The following CREBRF variants were observed in gnomAD, a reference collection of about 807,000 sequenced individuals.
CREBRF encodes the protein UPF0474 protein C5orf41.
CREBRF carries 5 observed loss-of-function variants against 66.1 expected under a neutral mutation model. The ratio of observed to expected loss-of-function variants is 0.08; its 90% CI spans 0.04 to 0.16. The LOEUF is 0.16. Ranked by LOEUF, CREBRF falls within the 10% of genes least tolerant of loss-of-function variation. CREBRF has a pLI of 1.00. For synonymous variants in CREBRF, 229 were observed against 264.4 expected (o/e 0.87, Z 1.30); for missense variants, 531 against 744.9 (o/e 0.71, Z 3.34).
chr5:173,078,828 C>T (rs1034677539), intron 1 of CREBRF, among the ~76,000 whole-genome samples: 2 of 152,004 alleles, frequency 1.3e-5, no homozygotes, highest in African/African-American at 4.8e-5. Flanking sequence ...CCCAGCCGAC[C>T]CTATTGCTAG....
rs1461482592 is a variant in CREBRF, at chr5:173,136,194, C to T, written c.*2449C>T. On this transcript the variant is annotated 3_prime_UTR_variant, in exon 9 of 9. Coordinates refer to ENST00000296953, the MANE Select transcript of CREBRF (RefSeq NM_153607.3). Reference sequence around the variant, plus strand: ...GTTTTTGATACTTTTTTCCTGTCTGCAAACCAGAATTTGATTTTTTGGTCT... The same window carrying T: ...GTTTTTGATACTTTTTTCCTGTCTGTAAACCAGAATTTGATTTTTTGGTCT... 1 of 150,836 alleles carries T rather than the reference C, an allele frequency of 6.6e-6. No homozygotes were observed. The highest frequency in any genetic ancestry group is 1.5e-5 in the Non-Finnish European group (1 of 67,546). 9.3% of individuals were successfully genotyped at this position (150,836 alleles called of 1,614,324 possible).
At chr5:173,114,690 T>C (rs1387185276) in intron 7 of CREBRF, among the ~76,000 whole-genome samples, 4 of 152,172 alleles carry the variant, frequency 2.6e-5, no homozygotes, top group African/African-American at 9.6e-5. Context: ...ACTCATCTCA[T>C]CCTATCCCAC....
At chr5:173,057,504 C>T (rs1385973713) in intron 1 of CREBRF, 3 of 152,290 alleles carry the variant, frequency 2.0e-5, no homozygotes, top group African/African-American at 4.8e-5. Flanking sequence ...AGTCAAGCCT[C>T]CCCTGGGGGT....
intron 1 of CREBRF, among the ~76,000 whole-genome samples, chr5:173,059,224 G>A (rs550641083): frequency 1.3e-4 from 20 of 150,634 alleles, no homozygotes; most frequent in Non-Finnish European, 2.2e-4. Flanking sequence ...CAGTAAATAA[G>A]GGTATTAGCT....
Position 173,091,070 on chromosome 5 carries a change from A to G in CREBRF, c.891A>G (p.Glu297=). 7 of 1,614,166 alleles carry G rather than the reference A, an allele frequency of 4.3e-6. No individual in the cohort carries two copies. The highest frequency in any genetic ancestry group is 5.9e-6 in the Non-Finnish European group (7 of 1,180,034). ...TPALPFKETQ[E]LLLSPLPQEG... is the part of the protein sequence containing the mutation. ...CTTTGCCTTTTAAAGAAACCCAGGA[A>G]CTATTACTAAGTCCCCTGCCCCAGG... Residue 297 remains glutamate, a synonymous_variant, in exon 4 of 9, where the codon GAA becomes GAG. Transcript: ENST00000296953.
Position 173,090,408 on chromosome 5 carries a change from G to A in CREBRF, c.229G>A (p.Val77Ile). Residue 77 changes from valine (V) to isoleucine (I), a missense_variant, in exon 4 of 9, where the codon GTC (valine) becomes ATC (isoleucine). Val to Ile is a conservative substitution (Grantham distance 29). Transcript: ENST00000296953. This position sits in a 1 kb window ranked among gnomAD's most constrained non-coding sequence, Gnocchi z 4.5. The part of the protein sequence containing the change: ...DIENLESFTD[V>I]LDNEGALTSN... ...TGAAAATCTGGAGTCTTTCACAGAT[G>A]TCCTGGATAATGAGGGTGCTTTAAC... is the stretch of plus-strand genomic sequence containing the variant. The A allele has an allele frequency of 6.2e-7, 1 of 1,614,018 alleles. No individual in the cohort carries two copies. The highest frequency in any genetic ancestry group is 8.5e-7 in the Non-Finnish European group (1 of 1,179,912).
intron 1 of CREBRF, among the ~76,000 whole-genome samples, chr5:173,069,078 C>CA (rs933694176): frequency 1.3e-4 from 20 of 149,798 alleles, no homozygotes; most frequent in African/African-American, 3.2e-4. Context: ...TCTCAAAAAA[C>CA]AAAAAAAAAG....
chr5:173,077,216 A>T (rs1757792528), intron 1 of CREBRF, among the ~76,000 whole-genome samples: 1 of 152,136 alleles, frequency 6.6e-6, no homozygotes, highest in Non-Finnish European at 1.5e-5. Flanking sequence ...AAGTGCTAGA[A>T]TTACAGGATG....
rs768825205 is a variant in CREBRF at position 173,090,984 on chromosome 5, G to A, written c.805G>A (p.Ala269Thr). ...AAAGGAGAACACCTGCTACTGTGGT[G>A]CAGTGGCAAAGAGACAAGAGAAAAA... Reference protein sequence around the residue: ...AAKENTCYCGAVAKRQEKKGM... With the variant: ...AAKENTCYCGTVAKRQEKKGM... The change falls in exon 4 of 9, where the codon GCA (alanine) becomes ACA (threonine). Residue 269 changes from alanine (A) to threonine (T), a missense_variant. Around this residue, in one of 5 missense-constraint regions of CREBRF, gnomAD observed 309 missense variants for 341.4 expected, o/e 0.90. Coordinates refer to ENST00000296953, the MANE Select transcript of CREBRF (RefSeq NM_153607.3). This position sits in a 1 kb window ranked among gnomAD's most constrained non-coding sequence, Gnocchi z 4.5. 8.1e-6 allele frequency: 13 copies of A among 1,614,006 alleles called. No homozygotes were observed. In the African/African-American group the frequency reaches 1.7e-4, roughly 22 times the overall value.
chr5:173,091,463 G>A lies in CREBRF; in HGVS notation c.1222+62G>A, dbSNP rs757248539. The A allele has an allele frequency of 5.8e-6, 9 of 1,548,280 alleles. No individual in the cohort carries two copies. The Admixed American group carries it at 1.2e-4, about 21-fold the overall frequency. On this transcript the variant is annotated intron_variant, in intron 4 of 8. Transcript: ENST00000296953. The stretch of plus-strand genomic sequence containing the variant: ...TGTATTACTATTTTGAAATAGAAAG[G>A]TTTTTGTTTCTGTTTTGTTTGGATA...
chr5:173,131,968 G>A (rs931190374), intron 8 of CREBRF, among the ~76,000 whole-genome samples: 2 of 151,498 alleles, frequency 1.3e-5, no homozygotes, highest in Admixed American at 1.3e-4. Context: ...CCTGACCTGT[G>A]CTCTGCCCAC....
intron 4 of CREBRF, among the ~76,000 whole-genome samples, chr5:173,100,133 T>TAA (rs1758591289): frequency 7.7e-6 from 1 of 130,442 alleles, no homozygotes; most frequent in African/African-American, 2.8e-5. Context: ...TATATATAAT[T>TAA]TTTTTTTTTT....
intron 7 of CREBRF, among the ~76,000 whole-genome samples, chr5:173,114,680 A>G (rs1159682107): frequency 6.6e-6 from 1 of 152,070 alleles, no homozygotes; most frequent in Non-Finnish European, 1.5e-5. Context: ...CCACTATACT[A>G]CTCATCTCAT....
At position 173,135,977 on chromosome 5, in the gene CREBRF, T is replaced by C. The variant is rs1481640683; in HGVS notation, c.*2232T>C. On this transcript the variant is annotated 3_prime_UTR_variant, in exon 9 of 9. Transcript: ENST00000296953. ...TAAGTTCATCGTTTAAAGCTTTTCC[T>C]TTTTAGGTTGGAGAAGGCAAAACAC... The C allele has an allele frequency of 6.6e-6, 1 of 152,422 alleles. No individual in the cohort carries two copies. The highest frequency in any genetic ancestry group is 1.5e-5 in the Non-Finnish European group (1 of 67,932). 9.4% of individuals were successfully genotyped at this position (152,422 alleles called of 1,614,324 possible).
At chr5:173,082,836 C>T (rs72816110) in intron 2 of CREBRF, among the ~76,000 whole-genome samples, 13,843 of 129,322 alleles carry the variant, frequency 0.11, 769 homozygotes, top group South Asian at 0.19. Flanking sequence ...ATGAACCCTG[C>T]GGGGGGAGGT....
chr5:173,080,865 A>G (rs1464729119), intron 2 of CREBRF, 81 bp downstream of exon 2: 1 of 1,369,298 alleles, frequency 7.3e-7, no homozygotes, highest in Non-Finnish European at 1.0e-6. Context: ...AATGAATCTT[A>G]ACACAACTTT....
intron 4 of CREBRF, among the ~76,000 whole-genome samples, chr5:173,100,976 A>C (rs1478651918): frequency 6.6e-6 from 1 of 152,116 alleles, no homozygotes; most frequent in East Asian, 1.9e-4. Flanking sequence ...GTGCATCATC[A>C]TGCCCAACTT....
Position 173,090,596 on chromosome 5 carries a change from A to G in CREBRF, c.417A>G (p.Leu139=). ...DEEVISKTPT[L]AQLNSEDSQS... Reference sequence around the variant, plus strand: ...AGGTTATAAGTAAAACTCCAACTTTAGCTCAACTTAATAGTGAGGACTCAC... The same window carrying G: ...AGGTTATAAGTAAAACTCCAACTTTGGCTCAACTTAATAGTGAGGACTCAC... Residue 139 remains leucine (L), a synonymous_variant, in exon 4 of 9, where the codon TTA becomes TTG. Transcript: ENST00000296953. This position sits in a 1 kb window ranked among gnomAD's most constrained non-coding sequence, Gnocchi z 4.5. The G allele has an allele frequency of 1.9e-6, 3 of 1,614,210 alleles. No homozygotes were observed. Among genetic ancestry groups the G allele is most frequent in the Non-Finnish European group, 2.5e-6 (3 of 1,180,020 alleles).
chr5:173,128,554 C>G (rs1759327419), intron 8 of CREBRF, among the ~76,000 whole-genome samples: 1 of 151,444 alleles, frequency 6.6e-6, no homozygotes, highest in Non-Finnish European at 1.5e-5. Flanking sequence ...TGTGTTTTTG[C>G]TTCTGAATGT....
Sources: gnomAD v4.1 joint callset for allele counts (sites outside exome capture counted in the v4.1 genomes callset) on GRCh38, gnomAD v4.1.1 for gene constraint, gnomAD v4.1.1 regional missense constraint, Gnocchi (gnomAD v3.1) non-coding constraint, MANE v1.5 for transcripts, NCBI Gene and HGNC (gene_info 2026-07-23, HGNC 2026-07-21) for gene names.